EPRS1: variants seen among roughly 807,000 people sequenced by gnomAD.
The protein encoded by EPRS1 is bifunctional glutamate/proline--tRNA ligase.
A neutral mutation model predicts 188.3 loss-of-function variants in EPRS1; 107 were observed. That is an observed-to-expected ratio of 0.57 (90% CI 0.49 to 0.67). The LOEUF (loss-of-function observed/expected upper bound fraction) is 0.67, where lower values mean the gene tolerates loss of function less well. Ranked by LOEUF, EPRS1 falls within the 30% of genes least tolerant of loss-of-function variation. The probability of loss-of-function intolerance (pLI) is 0.00; values close to 1 mark genes in which losing one functional copy is unlikely to be tolerated. For synonymous variants in EPRS1, 596 were observed against 593.1 expected (o/e 1.00, Z -0.07); for missense variants, 1,577 against 1,802.2 (o/e 0.88, Z 2.26).
At chr1:219,981,524 T>A (rs1660899845) in intron 23 of EPRS1, 67 bp from the exon 24 acceptor site, 1 of 865,530 alleles carries the variant, frequency 1.2e-6, no homozygotes, top group African/African-American at 1.7e-5. Context: ...ATGTAACAGC[T>A]AAACCAGCAA....
chr1:220,032,128 G>GTTGCC (rs1192293491), intron 5 of EPRS1, among the ~76,000 whole-genome samples: 22 of 151,816 alleles, frequency 1.4e-4, no homozygotes, highest in Admixed American at 3.9e-4. Flanking sequence ...AGGCAGGAGT[G>GTTGCC]CAGTGGCGCG....
chr1:220,012,657 G>A (rs756030775), intron 12 of EPRS1, among the ~76,000 whole-genome samples: 3 of 152,204 alleles, frequency 2.0e-5, no homozygotes, highest in Non-Finnish European at 4.4e-5. Flanking sequence ...TGGATCAGTG[G>A]TTTTCAAATT....
At chr1:219,999,220 GA>G (rs748403628) in intron 17 of EPRS1, among the ~76,000 whole-genome samples, 1 of 152,092 alleles carries the variant, frequency 6.6e-6, no homozygotes, top group Non-Finnish European at 1.5e-5. Context: ...ACATCACAGG[GA>G]AAAGCATTAT....
chr1:219,981,336 AAC>A, intron 24 of EPRS1, 40 bp downstream of exon 24: 4 of 1,318,130 alleles, frequency 3.0e-6, no homozygotes, highest in East Asian at 2.3e-5. Context: ...AAAAAAAAAG[AAC>A]ATGAATAATA....
At chr1:220,045,581 C>A (rs1277331738) in intron 1 of EPRS1, among the ~76,000 whole-genome samples, 1 of 152,028 alleles carries the variant, frequency 6.6e-6, no homozygotes, top group African/African-American at 2.4e-5. Flanking sequence ...AGCAGAAATT[C>A]TAAGCAATCT....
chr1:220,018,590 G>GA (rs35962858), intron 11 of EPRS1, 82 bp from the exon 12 acceptor site: 341,128 of 612,714 alleles, frequency 0.56, 56,014 homozygotes, highest in African/African-American at 0.68. Context: ...AGCATGTTTA[G>GA]AAAAAAAAAA....
At chr1:219,980,728 A>G in intron 25 of EPRS1, 28 bp downstream of exon 25, 1 of 1,480,162 alleles carries the variant, frequency 6.8e-7, no homozygotes, top group Non-Finnish European at 9.4e-7. Context: ...AATGGAACAT[A>G]GTTAATATGG....
At chr1:220,009,664 A>G (rs1053507146) in intron 13 of EPRS1, among the ~76,000 whole-genome samples, 5 of 150,900 alleles carry the variant, frequency 3.3e-5, no homozygotes, top group Admixed American at 3.3e-4. Context: ...CAGCCTGAGC[A>G]CCAGAGCAAG....
At chr1:220,028,145 T>C (rs1411793026) in intron 6 of EPRS1, among the ~76,000 whole-genome samples, 2 of 151,958 alleles carry the variant, frequency 1.3e-5, no homozygotes, top group Non-Finnish European at 2.9e-5. Flanking sequence ...TGAAGGGCCA[T>C]AAGTTCCCAG....
At position 219,993,736 on chromosome 1, in the gene EPRS1, C is replaced by T. The variant is rs981409342; in HGVS notation, c.2541+3247G>A. On this transcript the variant is annotated intron_variant, in intron 18 of 31. Transcript: ENST00000366923. ...AGCTAGTAAAACTATAACTCTCTAG[C>T]GCTTTCAATGGAGTACCCCACTGTC... Among the ~76,000 whole-genome samples the T allele has an allele frequency of 6.6e-5, 10 of 152,160 alleles. 1 individual carries two copies. The highest frequency in any genetic ancestry group is 2.1e-4 in the South Asian group (1 of 4,824).
intron 1 of EPRS1, among the ~76,000 whole-genome samples, chr1:220,043,258 T>C (rs1662334141): frequency 2.8e-5 from 1 of 35,506 alleles, no homozygotes; most frequent in African/African-American, 4.0e-4. Flanking sequence ...TCACTTAAAA[T>C]TGGTGAACAA....
chr1:219,987,471 TAAAC>T, intron 19 of EPRS1, 67 bp from the exon 20 acceptor site: 1 of 1,300,770 alleles, frequency 7.7e-7, no homozygotes, highest in Non-Finnish European at 1.1e-6. Context: ...TAAGCACACT[TAAAC>T]AAATACAATG....
intron 20 of EPRS1, among the ~76,000 whole-genome samples, chr1:219,986,756 GT>G (rs934553145): frequency 1.3e-4 from 19 of 150,914 alleles, no homozygotes; most frequent in African/African-American, 4.2e-4. Context: ...TACCAATCAT[GT>G]TTAAAAAGGA....
chr1:219,991,404 G>A (rs965233487), intron 18 of EPRS1, among the ~76,000 whole-genome samples: 4 of 151,860 alleles, frequency 2.6e-5, no homozygotes, highest in African/African-American at 9.7e-5. Context: ...GCATATCTAA[G>A]AGAACTATAT....
At chr1:220,038,081 TC>T (rs1662221823) in intron 2 of EPRS1, among the ~76,000 whole-genome samples, 1 of 97,548 alleles carries the variant, frequency 1.0e-5, no homozygotes, top group Non-Finnish European at 2.6e-5. Flanking sequence ...TTCAGCTTTA[TC>T]TTTTTTTTTT....
At chr1:219,983,127 G>T in intron 22 of EPRS1, 62 bp downstream of exon 22, 1 of 1,376,222 alleles carries the variant, frequency 7.3e-7, no homozygotes, top group African/African-American at 1.5e-5. Flanking sequence ...GTTAAAAGTT[G>T]AAAATATATT....
intron 12 of EPRS1, among the ~76,000 whole-genome samples, chr1:220,016,205 G>A: frequency 6.6e-6 from 1 of 151,934 alleles, no homozygotes; most frequent in East Asian, 1.9e-4. Flanking sequence ...TTAGCTGGGT[G>A]TGGTGGTGGG....
At chr1:220,001,420 T>C (rs1452986044) in intron 16 of EPRS1, among the ~76,000 whole-genome samples, 165 bp from the exon 17 acceptor site, 2 of 152,148 alleles carry the variant, frequency 1.3e-5, no homozygotes, top group Admixed American at 6.5e-5. Flanking sequence ...GGCTGGAATG[T>C]AGTGATGTGA....
intron 30 of EPRS1, among the ~76,000 whole-genome samples, chr1:219,970,662 C>G (rs1660647606): frequency 6.6e-6 from 1 of 151,948 alleles, no homozygotes; most frequent in African/African-American, 2.4e-5. Flanking sequence ...CCTGTAATCC[C>G]AGCCACGTGG....
Sources: gnomAD v4.1 joint callset for allele counts (sites outside exome capture counted in the v4.1 genomes callset) on GRCh38, gnomAD v4.1.1 for gene constraint, MANE v1.5 for transcripts, NCBI Gene and HGNC (gene_info 2026-07-23, HGNC 2026-07-21) for gene names.